The following TCF7L2 variants were observed in gnomAD, a reference collection of about 807,000 sequenced individuals.
The protein encoded by TCF7L2 is transcription factor 7 like 2, also known as transcription factor 7-like 2.
TCF7L2 carries 23 observed loss-of-function variants against 77.9 expected under a neutral mutation model. The ratio of observed to expected loss-of-function variants is 0.30; its 90% CI spans 0.21 to 0.42. The LOEUF is 0.42. Ranked by LOEUF, TCF7L2 falls within the 10% of genes least tolerant of loss-of-function variation. The pLI is 1.00. For missense variants in TCF7L2, 654 were observed against 793.1 expected (o/e 0.82, Z 2.11); for synonymous variants, 413 against 340.2 (o/e 1.21, Z -2.36).
intron 4 of TCF7L2, among the ~76,000 whole-genome samples, chr10:113,031,545 T>C (rs1416781807): frequency 6.6e-6 from 1 of 151,638 alleles, no homozygotes; most frequent in Non-Finnish European, 1.5e-5. Flanking sequence ...TGGAGTGCAG[T>C]TGCACAATCT....
chr10:113,034,152 G>A (rs2050727162), intron 4 of TCF7L2, among the ~76,000 whole-genome samples: 1 of 152,186 alleles, frequency 6.6e-6, no homozygotes, highest in African/African-American at 2.4e-5. Flanking sequence ...AAATGTTTGT[G>A]TCTACTAGGT....
chr10:113,147,197 G>A lies in TCF7L2; in HGVS notation c.875+1100G>A, dbSNP rs115533736. 9.8e-3 allele frequency among the ~76,000 whole-genome samples: 1,499 copies of A among 152,312 alleles called. 27 individuals are homozygous for A. Among genetic ancestry groups the A allele is most frequent in the African/African-American group, 0.034 (1,428 of 41,574 alleles). ...TGGTCTGAAATCACCAACCCATTCT[G>A]ATGATGGCACATAATGAAATTAGCA... On this transcript the variant is annotated intron_variant, in intron 8 of 13. Coordinates refer to ENST00000627217, the MANE Select transcript of TCF7L2 (RefSeq NM_001146274.2).
intron 4 of TCF7L2, among the ~76,000 whole-genome samples, chr10:113,018,679 T>A: frequency 6.6e-6 from 1 of 151,974 alleles, no homozygotes; most frequent in East Asian, 1.9e-4. Flanking sequence ...TGTTGACCAG[T>A]TTGGTCTCAA....
intron 4 of TCF7L2, among the ~76,000 whole-genome samples, chr10:113,023,737 C>T (rs1344441336): frequency 1.3e-5 from 2 of 151,846 alleles, no homozygotes; most frequent in African/African-American, 2.4e-5. Flanking sequence ...GGCGTGATCT[C>T]GGCTCACTGC....
intron 4 of TCF7L2, among the ~76,000 whole-genome samples, chr10:113,028,446 G>A (rs926480703): frequency 3.3e-5 from 5 of 152,120 alleles, no homozygotes; most frequent in Admixed American, 6.5e-5. Flanking sequence ...GTAGCGTTAC[G>A]AAGCATCTCC....
intron 5 of TCF7L2, among the ~76,000 whole-genome samples, chr10:113,059,365 A>C (rs1357021008): frequency 2.0e-5 from 3 of 147,716 alleles, no homozygotes; most frequent in Non-Finnish European, 4.5e-5. Context: ...TTTTTGGCAA[A>C]ACCATGCAAA....
chr10:113,106,006 G>C (rs1224734968), intron 5 of TCF7L2, among the ~76,000 whole-genome samples: 6 of 152,362 alleles, frequency 3.9e-5, no homozygotes, highest in African/African-American at 1.4e-4. Context: ...ATAGTAAGAA[G>C]ATAGCAGTAA....
intron 5 of TCF7L2, among the ~76,000 whole-genome samples, chr10:113,050,623 C>T (rs2054254400): frequency 6.6e-6 from 1 of 151,998 alleles, no homozygotes. Context: ...TCAGTTGGAA[C>T]TCAGGAAAAA....
intron 5 of TCF7L2, among the ~76,000 whole-genome samples, chr10:113,119,278 C>T (rs780528980): frequency 7.9e-5 from 12 of 152,106 alleles, no homozygotes; most frequent in East Asian, 5.8e-4. Flanking sequence ...TTTTGGTCTC[C>T]GATGGTGATT....
intron 4 of TCF7L2, among the ~76,000 whole-genome samples, chr10:112,980,660 G>C (rs1215420997): frequency 6.7e-6 from 1 of 148,816 alleles, no homozygotes; most frequent in Non-Finnish European, 1.5e-5. Flanking sequence ...GTCTCACTCT[G>C]TCGCCCAGCC....
intron 6 of TCF7L2, 142 bp from the exon 7 acceptor site, chr10:113,143,781 A>G (rs2068795823): frequency 3.2e-6 from 2 of 621,396 alleles, no homozygotes; most frequent in Non-Finnish European, 2.7e-6. Context: ...CCAACAACTC[A>G]GGATTTATAA....
At chr10:113,093,921 G>A (rs2060656958) in intron 5 of TCF7L2, among the ~76,000 whole-genome samples, 1 of 152,166 alleles carries the variant, frequency 6.6e-6, no homozygotes, top group African/African-American at 2.4e-5. Context: ...ATTGTCCAAA[G>A]CCTTCCCTGA....
chr10:112,952,290 G>A (rs557674421), intron 3 of TCF7L2, among the ~76,000 whole-genome samples: 17 of 152,280 alleles, frequency 1.1e-4, no homozygotes, highest in Non-Finnish European at 2.2e-4. Context: ...CCCCTGGAAG[G>A]TCACACTTCC....
chr10:113,062,870 A>G (rs1402012878), intron 5 of TCF7L2, among the ~76,000 whole-genome samples: 3 of 152,168 alleles, frequency 2.0e-5, no homozygotes, highest in African/African-American at 7.2e-5. Flanking sequence ...AAGACTGAAT[A>G]ATACATTGGG....
In TCF7L2 at chr10:113,006,719, A is replaced by G. The variant is rs527565024; in HGVS notation, c.451-33306A>G. On this transcript the variant is annotated intron_variant, in intron 4 of 13. Transcript: ENST00000627217. ...TCATGGGTGTTTTAATTTTAATTTC[A>G]TGTCTGCTTGCCACTCCCAAATGGA... Among the ~76,000 whole-genome samples, 13 of 152,294 alleles carry G rather than the reference A, an allele frequency of 8.5e-5. No homozygotes were observed. The East Asian group carries it at 2.5e-3, about 29-fold the overall frequency.
intron 5 of TCF7L2, among the ~76,000 whole-genome samples, chr10:113,102,734 T>A (rs192509600): frequency 9.8e-4 from 150 of 152,290 alleles, no homozygotes; most frequent in African/African-American, 3.4e-3. Context: ...CTGTATTTTT[T>A]AATTCACTTC....
chr10:113,121,009 T>C (rs1209231617), intron 5 of TCF7L2, among the ~76,000 whole-genome samples: 1 of 152,178 alleles, frequency 6.6e-6, no homozygotes, highest in African/African-American at 2.4e-5. Flanking sequence ...AGGAGTATTG[T>C]AGACAAAAGC....
At chr10:113,160,706 C>G (rs755118116) in intron 13 of TCF7L2, 2 of 1,579,548 alleles carry the variant, frequency 1.3e-6, no homozygotes, top group South Asian at 1.2e-5. Flanking sequence ...ATTACCACTG[C>G]GAGGCCTTTG....
chr10:112,964,822 T>TGGTGGTGGTGATGGTGGTGGTGGTGG (rs1554875168), intron 4 of TCF7L2, among the ~76,000 whole-genome samples, 198 bp downstream of exon 4: 2 of 73,562 alleles, frequency 2.7e-5, no homozygotes. Flanking sequence ...TGGGGGGGGG[T>TGGTGGTGGTGATGGTGGTGGTGGTGG]TGAATCACTG....
Sources: gnomAD v4.1 joint callset for allele counts (sites outside exome capture counted in the v4.1 genomes callset) on GRCh38, gnomAD v4.1.1 for gene constraint, MANE v1.5 for transcripts, NCBI Gene and HGNC (gene_info 2026-07-23, HGNC 2026-07-21) for gene names.